The following NWD1 variants were observed in gnomAD, a reference collection of about 807,000 sequenced individuals.
NWD1 encodes the protein NACHT domain- and WD repeat-containing protein 1.
In NWD1, 129 loss-of-function variants were observed where a neutral mutation model predicts 135.1. The observed-to-expected ratio is 0.96, with a 90% confidence interval of 0.83 to 1.11. NWD1 has a LOEUF of 1.11. NWD1 is among the 50% of genes least tolerant of loss of function. The pLI is 0.00. For synonymous variants in NWD1, 773 were observed against 786.0 expected (o/e 0.98, Z 0.28); for missense variants, 1,740 against 1,851.3 (o/e 0.94, Z 1.10).
At chr19:16,761,954 A>G (rs758362306) in intron 7 of NWD1, 25 bp from the exon 8 acceptor site, 4 of 1,592,408 alleles carry the variant, frequency 2.5e-6, no homozygotes, top group Admixed American at 3.5e-5. Context: ...ACCCAGGTCT[A>G]TCAGTCTGTA....
Position 16,807,769 on chromosome 19 carries a change from T to A in NWD1, c.3920T>A (p.Leu1307Gln). Residue 1307 changes from leucine (L) to glutamine (Q), a missense_variant, in exon 18 of 19, where the codon CTG (leucine) becomes CAG (glutamine). Coordinates refer to ENST00000524140, the MANE Select transcript of NWD1 (RefSeq NM_001007525.5). The stretch of plus-strand genomic sequence containing the variant: ...CGGAAAGCAATCAACTGCATGTCCC[T>A]GAGCAAGTGCGAGGACCGCCTGGCC... Reference protein sequence around the residue: ...EARKAINCMSLSKCEDRLAIA... With the variant: ...EARKAINCMSQSKCEDRLAIA... The A allele has an allele frequency of 6.2e-7, 1 of 1,613,770 alleles. No homozygotes were observed.
intron 18 of NWD1, among the ~76,000 whole-genome samples, chr19:16,811,726 A>G (rs1245382537): frequency 6.6e-6 from 1 of 152,196 alleles, no homozygotes; most frequent in East Asian, 1.9e-4. Context: ...GGGTTGGGGT[A>G]GTATCTGTGC....
At chr19:16,795,265 G>A (rs1263706715) in intron 15 of NWD1, among the ~76,000 whole-genome samples, 1 of 152,212 alleles carries the variant, frequency 6.6e-6, no homozygotes, top group Non-Finnish European at 1.5e-5. Flanking sequence ...GCAAGTGAAT[G>A]TAGGGTCCAG....
intron 17 of NWD1, among the ~76,000 whole-genome samples, chr19:16,804,047 A>G (rs989697891): frequency 4.6e-5 from 7 of 152,324 alleles, no homozygotes; most frequent in African/African-American, 1.4e-4. Context: ...CAGGTTACCT[A>G]GAAGCTGAAT....
chr19:16,722,702 T>A (rs753146369), intron 1 of NWD1, among the ~76,000 whole-genome samples: 2 of 151,840 alleles, frequency 1.3e-5, no homozygotes, highest in Non-Finnish European at 2.9e-5. Flanking sequence ...GCCCTTGGAA[T>A]GGGATAAGGG....
rs1450340725 is a variant in NWD1 at position 16,817,491 on chromosome 19, A to G, written c.*2452A>G. ...GTGACGTACACCTGTAATTCCAGCT[A>G]CTTGGGAGGCTGAGGCAGGAGAATG... is the stretch of plus-strand genomic sequence containing the variant. On this transcript the variant is annotated 3_prime_UTR_variant, in exon 19 of 19. Transcript: ENST00000524140. 6.7e-6 allele frequency: 1 copy of G among 149,372 alleles called. No homozygotes were observed. The highest frequency in any genetic ancestry group is 2.5e-5 in the African/African-American group (1 of 40,418). The allele number at this position is 149,372 out of a possible 1,614,324, so 9.3% of individuals were successfully genotyped here.
rs11292982 is a variant in NWD1, at chr19:16,741,368, G to GTTT, written c.199-3038_199-3036dup. Among the ~76,000 whole-genome samples, 132 of 124,996 alleles carry GTTT rather than the reference G, an allele frequency of 1.1e-3. 1 individual carries two copies. Among genetic ancestry groups the GTTT allele is most frequent in the African/African-American group, 2.6e-3 (88 of 33,304 alleles). The allele number at this position is 124,996 out of a possible 152,430, so 82.0% of individuals were successfully genotyped here. A position where few individuals can be genotyped will look rare whatever the true frequency, so the allele number is the denominator to read the frequency against. ...TTTTTTTGTTTTGTTTTGTTTTTGT[G>GTTT]TTTTTTTTTTTTTTTTTGAGACAGT... On this transcript the variant is annotated intron_variant, in intron 4 of 18. Transcript: ENST00000524140.
intron 17 of NWD1, 80 bp downstream of exon 17, chr19:16,800,242 C>T (rs1970563273): frequency 2.2e-6 from 3 of 1,370,620 alleles, no homozygotes; most frequent in East Asian, 2.3e-5. Flanking sequence ...TGTAACAAAT[C>T]ATCCCCACAG....
intron 12 of NWD1, among the ~76,000 whole-genome samples, chr19:16,788,259 TAATAATAATAA>T (rs1401166042): frequency 9.2e-5 from 13 of 141,468 alleles, no homozygotes; most frequent in African/African-American, 3.1e-4. Flanking sequence ...ATAATAATAA[TAATAATAATAA>T]TAATAATAAT....
At chr19:16,729,498 C>T (rs988931191) in intron 2 of NWD1, among the ~76,000 whole-genome samples, 5 of 151,618 alleles carry the variant, frequency 3.3e-5, no homozygotes, top group Non-Finnish European at 7.4e-5. Flanking sequence ...ATTTGTCCCT[C>T]TGAAGTGGGC....
intron 6 of NWD1, among the ~76,000 whole-genome samples, chr19:16,752,714 C>A (rs543107654): frequency 6.6e-6 from 1 of 152,150 alleles, no homozygotes; most frequent in East Asian, 1.9e-4. Context: ...AGTACAAATA[C>A]GGCGTGGTGT....
rs772213788 is a variant in NWD1 at position 16,807,812 on chromosome 19, C to T, written c.3963C>T (p.Ile1321=). The T allele has an allele frequency of 5.6e-6, 9 of 1,614,168 alleles. No individual in the cohort carries two copies. Among genetic ancestry groups the T allele is most frequent in the South Asian group, 3.3e-5 (3 of 91,080 alleles). The part of the protein sequence containing the change: ...EDRLAIAYDN[I]VLVLDITSGD... Reference sequence around the variant, plus strand: ...GCCTGGCCATCGCCTATGACAACATCGTCCTGGTGCTGGACATCACCTCCG... The same window carrying T: ...GCCTGGCCATCGCCTATGACAACATTGTCCTGGTGCTGGACATCACCTCCG... Residue 1321 remains isoleucine (I), a synonymous_variant, in exon 18 of 19, where the codon ATC becomes ATT. Transcript: ENST00000524140.
intron 1 of NWD1, among the ~76,000 whole-genome samples, chr19:16,722,421 C>T (rs1331508675): frequency 6.6e-6 from 1 of 151,820 alleles, no homozygotes; most frequent in Non-Finnish European, 1.5e-5. Flanking sequence ...CCCTGAGTAG[C>T]TGGGATTACA....
intron 10 of NWD1, among the ~76,000 whole-genome samples, chr19:16,772,046 T>C (rs1365098919): frequency 6.6e-6 from 1 of 152,100 alleles, no homozygotes; most frequent in Admixed American, 6.6e-5. Flanking sequence ...ATTTCCAATA[T>C]ATCCCTCCTC....
At chr19:16,732,014 C>T (rs942628139) in intron 3 of NWD1, among the ~76,000 whole-genome samples, 3 of 151,570 alleles carry the variant, frequency 2.0e-5, no homozygotes, top group South Asian at 4.2e-4. Context: ...GTCAGAAACT[C>T]GAGACTAGCC....
intron 10 of NWD1, among the ~76,000 whole-genome samples, chr19:16,768,936 C>T (rs1006507909): frequency 1.3e-5 from 2 of 152,192 alleles, no homozygotes; most frequent in Non-Finnish European, 2.9e-5. Context: ...CAGCCCAGGG[C>T]CAGTGCTGCT....
chr19:16,740,328 A>G (rs1360491001), intron 4 of NWD1, among the ~76,000 whole-genome samples: 2 of 151,850 alleles, frequency 1.3e-5, no homozygotes, highest in Non-Finnish European at 1.5e-5. Context: ...AAAGAATAGA[A>G]AAGAAATTAT....
At chr19:16,800,922 C>T (rs1970585080) in intron 17 of NWD1, among the ~76,000 whole-genome samples, 1 of 152,026 alleles carries the variant, frequency 6.6e-6, no homozygotes, top group Non-Finnish European at 1.5e-5. Context: ...ATTGTTTGAG[C>T]TTAGGGTTCA....
chr19:16,785,137 G>A (rs1027324721), intron 12 of NWD1, among the ~76,000 whole-genome samples: 7 of 152,020 alleles, frequency 4.6e-5, no homozygotes, highest in Non-Finnish European at 1.0e-4. Flanking sequence ...GGGGGGTTGC[G>A]AATGTTCTGG....
Sources: allele counts gnomAD v4.1 joint callset (sites outside exome capture counted in the v4.1 genomes callset), GRCh38; gene constraint gnomAD v4.1.1; transcripts MANE v1.5; gene names NCBI Gene and HGNC (gene_info 2026-07-23, HGNC 2026-07-21).